The following TIAM1 variants were observed in gnomAD, a reference collection of about 807,000 sequenced individuals.
The protein encoded by TIAM1 is rho guanine nucleotide exchange factor TIAM1.
TIAM1 carries 65 observed loss-of-function variants against 163.5 expected under a neutral mutation model. The ratio of observed to expected loss-of-function variants is 0.40; its 90% CI spans 0.33 to 0.49. TIAM1 has a LOEUF of 0.49. Among genes scored for constraint, TIAM1 ranks in the 20% least tolerant of loss-of-function variants. The probability of loss-of-function intolerance (pLI) is 0.77; values close to 1 mark genes in which losing one functional copy is unlikely to be tolerated. For missense variants in TIAM1, 1,789 were observed against 2,044.7 expected, an observed-to-expected ratio of 0.87 and a Z score of 2.41; for synonymous variants, 833 against 810.1, an observed-to-expected ratio of 1.03 and a Z score of -0.48.
At chr21:31,383,751 T>C (rs768037023) in intron 2 of TIAM1, among the ~76,000 whole-genome samples, 4 of 152,186 alleles carry the variant, frequency 2.6e-5, no homozygotes, top group Non-Finnish European at 5.9e-5. Context: ...GACGTGTCCA[T>C]GTAAACAAGG....
chr21:31,389,744 A>G (rs1049104305), intron 2 of TIAM1, among the ~76,000 whole-genome samples: 1 of 152,336 alleles, frequency 6.6e-6, no homozygotes, highest in Non-Finnish European at 1.5e-5. Flanking sequence ...TTTAACCAAT[A>G]TTTGATGAAC....
intron 1 of TIAM1, among the ~76,000 whole-genome samples, chr21:31,475,386 A>T (rs769959337): frequency 3.3e-5 from 5 of 152,132 alleles, no homozygotes; most frequent in Non-Finnish European, 7.3e-5. Context: ...TATTCTAGTT[A>T]TGAAGTTCTC....
chr21:31,474,846 T>C (rs564646413), intron 1 of TIAM1, among the ~76,000 whole-genome samples: 1 of 151,852 alleles, frequency 6.6e-6, no homozygotes, highest in African/African-American at 2.4e-5. Flanking sequence ...AGCCAACCTT[T>C]AGCCTTTATT....
intron 2 of TIAM1, among the ~76,000 whole-genome samples, chr21:31,328,047 C>T (rs1241695583): frequency 6.6e-6 from 1 of 152,100 alleles, no homozygotes; most frequent in African/African-American, 2.4e-5. Context: ...CAGCCCAGCC[C>T]TCTGCCCTCT....
intron 1 of TIAM1, among the ~76,000 whole-genome samples, chr21:31,485,887 G>C (rs1215557080): frequency 2.0e-5 from 3 of 152,290 alleles, no homozygotes; most frequent in African/African-American, 7.2e-5. Flanking sequence ...CGAAGGGGGT[G>C]AGTTCCCTGT....
intron 2 of TIAM1, among the ~76,000 whole-genome samples, chr21:31,453,719 T>G (rs2044971781): frequency 6.8e-6 from 1 of 148,024 alleles, no homozygotes; most frequent in Non-Finnish European, 1.5e-5. Context: ...AATAAATAAA[T>G]AAATAAATAA....
chr21:31,251,998 C>T lies in TIAM1; in HGVS notation c.1155G>A (p.Glu385=), dbSNP rs561107271. ...TGDAARQGVY[E]NFRRELEMST... The stretch of plus-strand genomic sequence containing the variant: ...TCATCTCCAGCTCCCGCCGGAAGTT[C>T]TCGTACACCCCCTGACGAGCCGCAT... Residue 385 remains glutamate (E), a synonymous_variant, in exon 5 of 28, where the codon GAG becomes GAA. Coordinates refer to ENST00000541036, the MANE Select transcript of TIAM1 (RefSeq NM_001353694.2). 1.9e-6 allele frequency: 3 copies of T among 1,614,000 alleles called. No homozygotes were observed. In the Admixed American group the frequency reaches 5.0e-5, roughly 27 times the overall value.
chr21:31,465,986 G>A (rs947611141), intron 1 of TIAM1, among the ~76,000 whole-genome samples: 3 of 152,338 alleles, frequency 2.0e-5, no homozygotes, highest in Admixed American at 6.5e-5. Context: ...GATTACAGGC[G>A]TGAGCCACGG....
chr21:31,520,741 T>A (rs1267977858), intron 1 of TIAM1, among the ~76,000 whole-genome samples: 1 of 152,214 alleles, frequency 6.6e-6, no homozygotes, highest in Non-Finnish European at 1.5e-5. Context: ...TTCCCAGCCG[T>A]GCGATTGGAG....
intron 2 of TIAM1, among the ~76,000 whole-genome samples, chr21:31,400,967 T>C (rs921130254): frequency 6.6e-6 from 1 of 152,134 alleles, no homozygotes; most frequent in Non-Finnish European, 1.5e-5. Flanking sequence ...GGCAGGCTCC[T>C]GTAATCCCAG....
In TIAM1 at chr21:31,251,797, CTTG is replaced by C; in HGVS notation, c.1353_1355del (p.Asn451del). The C allele has an allele frequency of 6.2e-7, 1 of 1,612,056 alleles. No homozygotes were observed. The highest frequency in any genetic ancestry group is 8.5e-7 in the Non-Finnish European group (1 of 1,178,532). ...TCCTCCGGGTGGCTGACTCCACCTT[CTTG>C]TTCTTCTTGTGCACCAGGAAGTTCT... On this transcript the variant is annotated inframe_deletion, in exon 5 of 28. Transcript: ENST00000541036.
intron 1 of TIAM1, among the ~76,000 whole-genome samples, chr21:31,504,423 G>T (rs1007329916): frequency 6.6e-6 from 1 of 152,180 alleles, no homozygotes; most frequent in African/African-American, 2.4e-5. Flanking sequence ...CAACAAGTTC[G>T]CTACCTGGCA....
At chr21:31,442,895 C>T (rs1371210638) in intron 2 of TIAM1, among the ~76,000 whole-genome samples, 8 of 152,206 alleles carry the variant, frequency 5.3e-5, no homozygotes, top group Non-Finnish European at 1.2e-4. Flanking sequence ...CACCAGGTCA[C>T]ATATGCAAAT....
chr21:31,338,064 C>G (rs1026505735), intron 2 of TIAM1, among the ~76,000 whole-genome samples: 1 of 152,022 alleles, frequency 6.6e-6, no homozygotes, highest in Non-Finnish European at 1.5e-5. Context: ...CAGGTCAACC[C>G]GGAGGTTTTA....
intron 4 of TIAM1, among the ~76,000 whole-genome samples, chr21:31,253,014 T>C (rs2071900282): frequency 1.3e-5 from 2 of 152,226 alleles, no homozygotes; most frequent in Admixed American, 1.3e-4. Context: ...TTTAAAAACA[T>C]TGGGAACTTC....
At chr21:31,275,007 A>G (rs1004668269) in intron 3 of TIAM1, among the ~76,000 whole-genome samples, 5 of 151,838 alleles carry the variant, frequency 3.3e-5, no homozygotes, top group Non-Finnish European at 7.4e-5. Context: ...CTGTAATCCC[A>G]GCTACTCGGG....
chr21:31,313,842 G>A (rs6517023), intron 2 of TIAM1, among the ~76,000 whole-genome samples: 25,747 of 152,222 alleles, frequency 0.17, 2,202 homozygotes, highest in Middle Eastern at 0.2. Flanking sequence ...CTCCCAAAGT[G>A]CTGGGATTAC....
rs570281329 is a variant in TIAM1 at position 31,557,606 on chromosome 21, C to T, written c.-422+1321G>A. Among the ~76,000 whole-genome samples, 16 of 152,288 alleles carry T rather than the reference C, an allele frequency of 1.1e-4. No individual in the cohort carries two copies. In the South Asian group the frequency reaches 2.5e-3, roughly 24 times the overall value. On this transcript the variant is annotated intron_variant, in intron 1 of 28. Coordinates refer to the TIAM1 transcript ENST00000286827. ...CAGGCTCTAAACCTCTGCTCCAACT[C>T]AAAGTATGCGCCAAGTCAGCGTGCA...
chr21:31,538,885 C>T (rs374835491), intron 1 of TIAM1, among the ~76,000 whole-genome samples: 11 of 152,238 alleles, frequency 7.2e-5, no homozygotes, highest in Non-Finnish European at 1.0e-4. Context: ...GCAGCCTGCA[C>T]GCATCGTCCC....
Sources: allele counts gnomAD v4.1 joint callset (sites outside exome capture counted in the v4.1 genomes callset), GRCh38; gene constraint gnomAD v4.1.1; transcripts MANE v1.5; gene names NCBI Gene and HGNC (gene_info 2026-07-23, HGNC 2026-07-21).